Variants in ZC3H4 observed in about 807,000 individuals in gnomAD.
ZC3H4 encodes zinc finger CCCH domain-containing protein 4.
In ZC3H4, 13 loss-of-function variants were observed where a neutral mutation model predicts 108.3. The observed-to-expected ratio is 0.12, with a 90% CI of 0.08 to 0.19. The LOEUF (loss-of-function observed/expected upper bound fraction) is 0.19. ZC3H4 is among the 10% of genes least tolerant of loss of function. The probability of loss-of-function intolerance (pLI) is 1.00; values close to 1 mark genes in which losing one functional copy is unlikely to be tolerated. For missense variants in ZC3H4, 1,734 were observed against 1,838.8 expected, an observed-to-expected ratio of 0.94 and a Z score of 1.04; for synonymous variants, 917 against 749.6, an observed-to-expected ratio of 1.22 and a Z score of -3.65.
At position 47,072,765 on chromosome 19, in the gene ZC3H4, G is replaced by T; in HGVS notation, c.1441-52C>A. The T allele has an allele frequency of 6.2e-7, 1 of 1,601,962 alleles. No homozygotes were observed. Among genetic ancestry groups the T allele is most frequent in the South Asian group, 1.1e-5 (1 of 90,196 alleles). On this transcript the variant is annotated intron_variant, in intron 11 of 14. Coordinates refer to ENST00000253048, the MANE Select transcript of ZC3H4 (RefSeq NM_015168.2). The surrounding 1 kb of genome is among the most constrained non-coding windows in gnomAD (Gnocchi z 5.6). ...GTGTGGACGGGGTCAGGATGGAAAC[G>T]GACCTCTCCAGGTCTGAGAGCTGAA... is the stretch of plus-strand genomic sequence containing the variant.
In ZC3H4 at chr19:47,066,430, C is replaced by T; in HGVS notation, c.3838G>A (p.Gly1280Ser). 1.9e-6 allele frequency: 3 copies of T among 1,570,778 alleles called. No individual in the cohort carries two copies. Among genetic ancestry groups the T allele is most frequent in the Non-Finnish European group, 2.6e-6 (3 of 1,160,710 alleles). Residue 1280 changes from glycine to serine, a missense_variant, in exon 15 of 15, where the codon GGT becomes AGT. By Grantham distance (56) the Gly-to-Ser change is moderately conservative (BLOSUM62 0). Transcript: ENST00000253048. The part of the protein sequence containing the change: ...PFAGNSPARE[G>S]EQDAASLKDV... Reference sequence around the variant, plus strand: ...TTCAGGGATGCCGCATCCTGCTCACCCTCGCGGGCCGGACTGTTCCCAGCA... The same window carrying T: ...TTCAGGGATGCCGCATCCTGCTCACTCTCGCGGGCCGGACTGTTCCCAGCA...
rs773118195 is a variant in ZC3H4, at chr19:47,081,633, A to T, written c.1331-11T>A. ...TACACGGGAAATCACGTTCATGGCA[A>T]ATTAAGGTAAATGCTTCATCTCACA... On this transcript the variant is annotated splice_polypyrimidine_tract_variant and intron_variant, in intron 10 of 14. Coordinates refer to ENST00000253048, the MANE Select transcript of ZC3H4 (RefSeq NM_015168.2). 1 of 1,608,526 alleles carries T rather than the reference A, an allele frequency of 6.2e-7. No homozygotes were observed. The highest frequency in any genetic ancestry group is 1.1e-5 in the South Asian group (1 of 90,964).
At chr19:47,102,745 A>G (rs188651265) in intron 2 of ZC3H4, among the ~76,000 whole-genome samples, 1 of 151,826 alleles carries the variant, frequency 6.6e-6, no homozygotes. Context: ...ATAAGGGCTC[A>G]TGGAAAGACC....
At chr19:47,099,411 A>T (rs1287113808) in intron 2 of ZC3H4, among the ~76,000 whole-genome samples, 1 of 151,712 alleles carries the variant, frequency 6.6e-6, no homozygotes, top group African/African-American at 2.4e-5. Context: ...GTGAGCCAAG[A>T]TCACGCCACT....
intron 2 of ZC3H4, among the ~76,000 whole-genome samples, chr19:47,097,659 G>T (rs2057843762): frequency 6.6e-6 from 1 of 152,192 alleles, no homozygotes; most frequent in Admixed American, 6.5e-5. Context: ...TTTCAGCGAT[G>T]CCACTTAACA....
In ZC3H4 at chr19:47,071,942, CCAG is replaced by C; in HGVS notation, c.1979_1981del (p.Pro660_Gly661delinsArg). On this transcript the variant is annotated inframe_deletion, in exon 13 of 15. Coordinates refer to ENST00000253048, the MANE Select transcript of ZC3H4 (RefSeq NM_015168.2). ...AGGGCCGCCAGGGCCCATGGGTGGG[CCAG>C]GATTCATGCCAGGGCCCATCGGCAT... The C allele has an allele frequency of 6.2e-7, 1 of 1,612,970 alleles. No individual in the cohort carries two copies. Among genetic ancestry groups the C allele is most frequent in the Middle Eastern group, 1.7e-4 (1 of 6,054 alleles).
At chr19:47,094,257 G>A (rs751405232) in intron 3 of ZC3H4, 132 bp downstream of exon 3, 19 of 1,169,768 alleles carry the variant, frequency 1.6e-5, no homozygotes, top group Non-Finnish European at 2.2e-5. Flanking sequence ...TTTAAAAAAG[G>A]TCTTTATCCA....
At chr19:47,112,687 T>A (rs1002539404) in intron 1 of ZC3H4, 98 bp from the exon 2 acceptor site, 1 of 690,056 alleles carries the variant, frequency 1.4e-6, no homozygotes, top group African/African-American at 1.8e-5. Flanking sequence ...GGGAATGGGG[T>A]ATATATTTTT....
At position 47,069,251 on chromosome 19, in the gene ZC3H4, C is replaced by T; in HGVS notation, c.2239G>A (p.Gly747Arg). ...CCTGGCTTCGGCCGGCCTGGGGGCC[C>T]TCCCTCAGAGAAGCTGTCGGGCTCC... ...PLEPDSFSEG[G>R]PPGRPKPGAG... is the part of the protein sequence containing the mutation. Residue 747 changes from glycine to arginine, a missense_variant, in exon 14 of 15, where the codon GGG (glycine) becomes AGG (arginine). Physicochemically the swap from Gly to Arg is moderately radical, Grantham distance 125 (BLOSUM62 -2). Transcript: ENST00000253048. 1 of 1,613,838 alleles carries T rather than the reference C, an allele frequency of 6.2e-7. No individual in the cohort carries two copies. The highest frequency in any genetic ancestry group is 8.5e-7 in the Non-Finnish European group (1 of 1,179,950).
chr19:47,082,108 G>T, intron 10 of ZC3H4, 76 bp downstream of exon 10: 1 of 1,198,634 alleles, frequency 8.3e-7, no homozygotes, highest in South Asian at 1.2e-5. Flanking sequence ...AAGGAAGATT[G>T]GCTGTTACTA....
intron 11 of ZC3H4, among the ~76,000 whole-genome samples, chr19:47,075,006 C>T (rs2057394605): frequency 6.6e-6 from 1 of 152,224 alleles, no homozygotes; most frequent in African/African-American, 2.4e-5. Flanking sequence ...TCAAGATAAA[C>T]TAGTCCTGCC....
chr19:47,112,359 C>T (rs1600125185), intron 2 of ZC3H4, 65 bp downstream of exon 2: 1 of 1,223,788 alleles, frequency 8.2e-7, no homozygotes, highest in East Asian at 3.2e-5. Context: ...TGGCGGCCGC[C>T]CCCCTTCCTC....
At chr19:47,082,050 G>A (rs908657979) in intron 10 of ZC3H4, 134 bp downstream of exon 10, 13 of 778,142 alleles carry the variant, frequency 1.7e-5, no homozygotes, top group Non-Finnish European at 2.4e-5. Flanking sequence ...AGTGTTAAAT[G>A]AGATGGAGAC....
chr19:47,110,801 C>T, intron 2 of ZC3H4: 1 of 672,154 alleles, frequency 1.5e-6, no homozygotes, highest in Non-Finnish European at 1.8e-6. Flanking sequence ...TGTTTATTTC[C>T]TTGAACTGGA....
chr19:47,080,577 C>A (rs147777423), intron 11 of ZC3H4, among the ~76,000 whole-genome samples: 1,801 of 152,180 alleles, frequency 0.012, 42 homozygotes, highest in African/African-American at 0.042. Flanking sequence ...CTCACTGCAG[C>A]CTCAATCTCC....
intron 11 of ZC3H4, among the ~76,000 whole-genome samples, chr19:47,076,928 A>G (rs11667244): frequency 0.58 from 87,734 of 151,686 alleles, 27,085 homozygotes; most frequent in Non-Finnish European, 0.71. Context: ...GGGAGGCGGA[A>G]ACTACAGTGA....
At chr19:47,102,139 A>C (rs2057911994) in intron 2 of ZC3H4, among the ~76,000 whole-genome samples, 1 of 152,216 alleles carries the variant, frequency 6.6e-6, no homozygotes, top group Non-Finnish European at 1.5e-5. Context: ...CCCAGCAGAG[A>C]GCTGGAATCT....
At chr19:47,096,923 G>A (rs1041954047) in intron 2 of ZC3H4, 63 of 985,214 alleles carry the variant, frequency 6.4e-5, no homozygotes, top group African/African-American at 1.6e-4. Context: ...GTCCAACACC[G>A]CGGCACAGCA....
chr19:47,086,267 C>T, intron 6 of ZC3H4, 117 bp downstream of exon 6: 2 of 1,207,074 alleles, frequency 1.7e-6, no homozygotes, highest in Non-Finnish European at 2.4e-6. Context: ...GCTTCCCTTC[C>T]TTCAGAAGGG....
Sources: allele counts gnomAD v4.1 joint callset (sites outside exome capture counted in the v4.1 genomes callset), GRCh38; gene constraint gnomAD v4.1.1; non-coding constraint Gnocchi (gnomAD v3.1); transcripts MANE v1.5; gene names NCBI Gene and HGNC (gene_info 2026-07-23, HGNC 2026-07-21).